The following FSTL4 variants were observed in gnomAD, a reference collection of about 807,000 sequenced individuals.
FSTL4 encodes the protein follistatin like 4.
Under a neutral mutation model 78.2 loss-of-function variants are expected in FSTL4, and 28 were observed. That is an observed-to-expected ratio of 0.36 (90% CI 0.27 to 0.49). The LOEUF (loss-of-function observed/expected upper bound fraction) is 0.49, where lower values mean the gene tolerates loss of function less well. FSTL4 is among the 20% of genes least tolerant of loss of function. FSTL4 has a pLI of 0.98. For missense variants in FSTL4, 922 were observed against 1,084.9 expected, an observed-to-expected ratio of 0.85 and a Z score of 2.11; for synonymous variants, 422 against 440.5, an observed-to-expected ratio of 0.96 and a Z score of 0.53.
the FSTL4 span, among the ~76,000 whole-genome samples, chr5:133,663,581 G>A: frequency 6.6e-6 from 1 of 152,200 alleles, no homozygotes; most frequent in African/African-American, 2.4e-5. Context: ...GAGGAAAGGG[G>A]CGTTCAATTG....
intron 6 of FSTL4, among the ~76,000 whole-genome samples, chr5:133,255,582 T>C (rs2126829076): frequency 6.6e-6 from 1 of 152,328 alleles, no homozygotes; most frequent in East Asian, 1.9e-4. Flanking sequence ...CTCTGGTGCC[T>C]AGCACAAGGC....
intron 3 of FSTL4, among the ~76,000 whole-genome samples, chr5:133,462,328 G>A (rs957543382): frequency 6.6e-6 from 1 of 152,248 alleles, no homozygotes; most frequent in Non-Finnish European, 1.5e-5. Context: ...CCCACACCCT[G>A]GAGAATTCCT....
the FSTL4 span, among the ~76,000 whole-genome samples, chr5:133,706,518 A>G: frequency 6.6e-6 from 1 of 152,242 alleles, no homozygotes; most frequent in Non-Finnish European, 1.5e-5. Flanking sequence ...GACTGAAGGC[A>G]TTTAAGACTC....
intron 4 of FSTL4, among the ~76,000 whole-genome samples, chr5:133,332,413 T>A (rs1754370095): frequency 6.6e-6 from 1 of 152,172 alleles, no homozygotes; most frequent in South Asian, 2.1e-4. Flanking sequence ...AGGTTCAGGA[T>A]CCACAGTTGA....
At chr5:133,663,821 C>A in the FSTL4 span, among the ~76,000 whole-genome samples, 1 of 152,182 alleles carries the variant, frequency 6.6e-6, no homozygotes, top group African/African-American at 2.4e-5. Flanking sequence ...CAGACCAGGG[C>A]CTTTGACAAC....
intron 3 of FSTL4, among the ~76,000 whole-genome samples, chr5:133,445,337 C>T (rs1027830692): frequency 3.3e-5 from 5 of 151,292 alleles, no homozygotes; most frequent in African/African-American, 7.3e-5. Context: ...CAGCACAGGC[C>T]GGGGAGTGCT....
At chr5:133,263,322 AGAAACACAG>A (rs1034047981) in intron 6 of FSTL4, among the ~76,000 whole-genome samples, 2 of 152,190 alleles carry the variant, frequency 1.3e-5, no homozygotes, top group African/African-American at 4.8e-5. Context: ...AGTAATACTT[AGAAACACAG>A]GATCACATGA....
intron 3 of FSTL4, among the ~76,000 whole-genome samples, chr5:133,421,962 G>A (rs1209539045): frequency 6.6e-6 from 1 of 152,192 alleles, no homozygotes; most frequent in Non-Finnish European, 1.5e-5. Flanking sequence ...GAGGAGTGAA[G>A]GGACAAGGGA....
At chr5:133,581,261 G>C (rs541018979) in intron 2 of FSTL4, among the ~76,000 whole-genome samples, 3 of 152,206 alleles carry the variant, frequency 2.0e-5, no homozygotes, top group Non-Finnish European at 4.4e-5. Context: ...AGCAGAGCTA[G>C]ATTGGTGTTT....
At chr5:133,221,151 T>C (rs957870472) in intron 11 of FSTL4, among the ~76,000 whole-genome samples, 6 of 152,196 alleles carry the variant, frequency 3.9e-5, no homozygotes, top group Admixed American at 1.3e-4. Flanking sequence ...AAGCCTTGGC[T>C]TTGATGTACA....
At chr5:133,319,376 C>T (rs1457578978) in intron 4 of FSTL4, among the ~76,000 whole-genome samples, 4 of 152,218 alleles carry the variant, frequency 2.6e-5, no homozygotes, top group Non-Finnish European at 2.9e-5. Flanking sequence ...ACTGTGTGCC[C>T]GATGCTGGGC....
At chr5:133,683,223 T>C in the FSTL4 span, among the ~76,000 whole-genome samples, 1 of 152,204 alleles carries the variant, frequency 6.6e-6, no homozygotes, top group African/African-American at 2.4e-5. Flanking sequence ...ATATTATGTT[T>C]GGTATGCAGG....
intron 3 of FSTL4, among the ~76,000 whole-genome samples, chr5:133,546,734 C>A (rs940365231): frequency 3.3e-5 from 5 of 152,096 alleles, no homozygotes; most frequent in African/African-American, 7.2e-5. Context: ...GAGCCCAGGG[C>A]ACCCTCCACA....
chr5:133,396,949 G>A (rs1471549943), intron 4 of FSTL4, among the ~76,000 whole-genome samples: 2 of 152,164 alleles, frequency 1.3e-5, no homozygotes, highest in African/African-American at 4.8e-5. Flanking sequence ...GCAACCGCCC[G>A]CAGGCTGAGG....
chr5:133,627,435 T>C, the FSTL4 span, among the ~76,000 whole-genome samples: 1 of 152,080 alleles, frequency 6.6e-6, no homozygotes, highest in Non-Finnish European at 1.5e-5. Flanking sequence ...ATGGGGGAGA[T>C]CACTTTCATG....
intron 3 of FSTL4, among the ~76,000 whole-genome samples, chr5:133,471,831 G>A (rs1292152860): frequency 6.6e-6 from 1 of 152,026 alleles, no homozygotes; most frequent in Admixed American, 6.6e-5. Context: ...AAAGTATGAC[G>A]GTGTGGTTTT....
chr5:133,199,786 A>G lies in FSTL4; in HGVS notation c.1838T>C (p.Ile613Thr). The change falls in exon 16 of 16, where the codon ATC becomes ACC. Residue 613 changes from isoleucine to threonine, a missense_variant. Coordinates refer to ENST00000265342, the MANE Select transcript of FSTL4 (RefSeq NM_015082.2). The surrounding 1 kb of genome is among the most constrained non-coding windows in gnomAD (Gnocchi z 4.4). ...LIINHIRFGF[I>T]FNKSDPAVHK... ...GACTGCAGGATCAGACTTGTTGAAG[A>G]TGAAGCCAAACCTGGGAGGGGAAGA... 6.5e-7 allele frequency: 1 copy of G among 1,542,220 alleles called. No homozygotes were observed. The highest frequency in any genetic ancestry group is 8.8e-7 in the Non-Finnish European group (1 of 1,137,164).
At chr5:133,284,546 T>G (rs924382026) in intron 6 of FSTL4, among the ~76,000 whole-genome samples, 8 of 152,176 alleles carry the variant, frequency 5.3e-5, no homozygotes, top group African/African-American at 1.9e-4. Flanking sequence ...ATCCTTGCCA[T>G]TATCCTCTTC....
chr5:133,576,057 T>C (rs564078713), intron 2 of FSTL4, among the ~76,000 whole-genome samples: 1 of 152,330 alleles, frequency 6.6e-6, no homozygotes, highest in Non-Finnish European at 1.5e-5. Flanking sequence ...TCTATAAAGC[T>C]GTATTTTACT....
Sources: gnomAD v4.1 joint callset for allele counts (sites outside exome capture counted in the v4.1 genomes callset) on GRCh38, gnomAD v4.1.1 for gene constraint, Gnocchi (gnomAD v3.1) non-coding constraint, MANE v1.5 for transcripts, NCBI Gene and HGNC (gene_info 2026-07-23, HGNC 2026-07-21) for gene names.